Variants in PHYH observed in about 807,000 individuals in gnomAD.
PHYH encodes the protein phytanoyl-CoA 2-hydroxylase.
PHYH carries 32 observed loss-of-function variants against 38.5 expected under a neutral mutation model. The observed-to-expected ratio is 0.83, with a 90% CI of 0.63 to 1.12. The LOEUF (loss-of-function observed/expected upper bound fraction) is 1.12. Ranked by LOEUF, PHYH falls within the 50% of genes most tolerant of loss-of-function variation. PHYH has a pLI of 0.00. For synonymous variants in PHYH, 166 were observed against 157.9 expected (o/e 1.05, Z -0.38); for missense variants, 426 against 434.8 (o/e 0.98, Z 0.18).
intron 6 of PHYH, among the ~76,000 whole-genome samples, chr10:13,286,178 C>G (rs1835544176): frequency 6.6e-6 from 1 of 152,138 alleles, no homozygotes; most frequent in Non-Finnish European, 1.5e-5. Context: ...CCCACAGGGT[C>G]TTTTCACCTT....
intron 7 of PHYH, among the ~76,000 whole-genome samples, chr10:13,282,150 T>C (rs764347705): frequency 4.0e-5 from 6 of 151,656 alleles, no homozygotes; most frequent in Non-Finnish European, 7.4e-5. Context: ...ACTTGAGAGG[T>C]TGAGGTGGGA....
At chr10:13,295,093 C>T (rs1304017939) in intron 3 of PHYH, 1 of 279,748 alleles carries the variant, frequency 3.6e-6, no homozygotes, top group Non-Finnish European at 6.9e-6. Flanking sequence ...GTAATCCCAG[C>T]AACTCAGGAG....
In PHYH at chr10:13,281,029, C is replaced by A; in HGVS notation, c.910G>T (p.Val304Phe). ...AAGAATTTATGTGCTATTCCTACAA[C>A]TTCCTTCTCGATGTTTTCTTGACTG... is the stretch of plus-strand genomic sequence containing the variant. ...GTSQENIEKE[V>F]VGIAHKFFGA... The change falls in exon 8 of 9, where the codon GTT becomes TTT. Residue 304 changes from valine to phenylalanine, a missense_variant. Val to Phe is a conservative substitution (Grantham distance 50). Transcript: ENST00000263038. 6.2e-7 allele frequency: 1 copy of A among 1,614,070 alleles called. No individual in the cohort carries two copies. The highest frequency in any genetic ancestry group is 8.5e-7 in the Non-Finnish European group (1 of 1,179,888).
At chr10:13,286,475 G>A (rs769997992) in intron 6 of PHYH, among the ~76,000 whole-genome samples, 8 of 152,062 alleles carry the variant, frequency 5.3e-5, no homozygotes, top group African/African-American at 1.2e-4. Flanking sequence ...GGCCGAGGCA[G>A]GCAGATCACG....
At chr10:13,298,783 A>ACTACTGCTACTACTACTACTAC (rs1564430887) in intron 1 of PHYH, among the ~76,000 whole-genome samples, 6 of 111,614 alleles carry the variant, frequency 5.4e-5, no homozygotes, top group African/African-American at 9.9e-5. Flanking sequence ...ACTACTACTA[A>ACTACTGCTACTACTACTACTAC]TAATAATAAT....
intron 4 of PHYH, 143 bp from the exon 5 acceptor site, chr10:13,292,055 C>T (rs1020969867): frequency 1.2e-5 from 8 of 675,532 alleles, no homozygotes; most frequent in Admixed American, 7.1e-5. Context: ...ACATTGCAAA[C>T]AAAGCATGAA....
chr10:13,295,473 A>G (rs752268595), intron 3 of PHYH, 23 bp downstream of exon 3: 2 of 1,137,138 alleles, frequency 1.8e-6, no homozygotes, highest in Non-Finnish European at 2.7e-6. Context: ...ACTATTGTAA[A>G]ATAACAAATA....
chr10:13,291,720 C>T (rs929581020), intron 5 of PHYH, 111 bp downstream of exon 5: 1 of 746,900 alleles, frequency 1.3e-6, no homozygotes, highest in East Asian at 2.6e-5. Context: ...CCTCAGAGAT[C>T]TTCCTCCCTT....
chr10:13,300,021 C>A lies in PHYH; in HGVS notation c.22G>T (p.Ala8Ser), dbSNP rs1183779938. Residue 8 changes from alanine (A) to serine (S), a missense_variant, in exon 1 of 9, where the codon GCC (alanine) becomes TCC (serine). Ala to Ser is a moderately conservative substitution (Grantham distance 99). Transcript: ENST00000263038. ...TGGCCCAGAACAATCTGCAGACGGG[C>A]GGCGGCGCGAAGCTGCTCCATGGCT... MEQLRAAARLQIVLGHLG... is the reference protein window; with the variant it reads MEQLRAASRLQIVLGHLG... The A allele has an allele frequency of 2.6e-6, 4 of 1,532,350 alleles. No homozygotes were observed. The highest frequency in any genetic ancestry group is 1.4e-5 in the African/African-American group (1 of 72,066). The allele number at this position is 1,532,350 out of a possible 1,614,324, so 94.9% of individuals were successfully genotyped here.
rs918515094 is a variant in PHYH, at chr10:13,300,064, C to T, written c.-22G>A. On this transcript the variant is annotated 5_prime_UTR_variant, in exon 1 of 9. Transcript: ENST00000263038. ...CCATGGCTGCGGCGCGGGGAACCCCCACCCCTCCCGGCCTCTGCCCCATTT... is the reference window on the plus strand; with the variant it reads ...CCATGGCTGCGGCGCGGGGAACCCCTACCCCTCCCGGCCTCTGCCCCATTT... 2.6e-6 allele frequency: 4 copies of T among 1,529,192 alleles called. No individual in the cohort carries two copies. The highest frequency in any genetic ancestry group is 2.8e-5 in the African/African-American group (2 of 71,702). The allele number at this position is 1,529,192 out of a possible 1,614,324, so 94.7% of individuals were successfully genotyped here.
intron 4 of PHYH, among the ~76,000 whole-genome samples, chr10:13,293,646 A>C (rs1273604463): frequency 6.6e-6 from 1 of 151,444 alleles, no homozygotes; most frequent in African/African-American, 2.4e-5. Context: ...CTTTTTTTCC[A>C]ATATAGACAA....
At chr10:13,290,100 C>A (rs1302710923) in intron 5 of PHYH, among the ~76,000 whole-genome samples, 1 of 115,762 alleles carries the variant, frequency 8.6e-6, no homozygotes, top group Non-Finnish European at 1.7e-5. Flanking sequence ...GAAACCCTGT[C>A]TCTACTAAAA....
At chr10:13,284,645 C>A (rs1052620539) in intron 6 of PHYH, among the ~76,000 whole-genome samples, 2 of 152,098 alleles carry the variant, frequency 1.3e-5, no homozygotes, top group Non-Finnish European at 2.9e-5. Context: ...TTTCTGAGCT[C>A]AAAGGCACTT....
At chr10:13,278,769 A>G (rs1046503374) in intron 8 of PHYH, among the ~76,000 whole-genome samples, 1 of 152,104 alleles carries the variant, frequency 6.6e-6, no homozygotes, top group African/African-American at 2.4e-5. Flanking sequence ...GCCTCAAGTG[A>G]TCTGTCCGCC....
intron 1 of PHYH, 117 bp from the exon 2 acceptor site, chr10:13,298,362 T>C: frequency 9.0e-6 from 6 of 665,590 alleles, no homozygotes; most frequent in Middle Eastern, 3.8e-4. Context: ...AGCTCAGGAG[T>C]TCGAGACCAG....
chr10:13,282,367 G>A (rs559415519), intron 7 of PHYH, among the ~76,000 whole-genome samples: 1 of 152,192 alleles, frequency 6.6e-6, no homozygotes, highest in East Asian at 1.9e-4. Flanking sequence ...AAGGTGAGAC[G>A]ATCACTCAAG....
chr10:13,291,292 G>A (rs748860237), intron 5 of PHYH, among the ~76,000 whole-genome samples: 3 of 151,998 alleles, frequency 2.0e-5, no homozygotes, highest in South Asian at 2.1e-4. Context: ...CAGTTATGTC[G>A]GTTAAACTGC....
At chr10:13,286,699 CA>C (rs33995270) in intron 6 of PHYH, among the ~76,000 whole-genome samples, 7,518 of 116,562 alleles carry the variant, frequency 0.064, 177 homozygotes, top group Admixed American at 0.08. Context: ...GACTCTGTCT[CA>C]AAAAAAAAAA....
At chr10:13,296,477 G>T (rs146410905) in intron 2 of PHYH, among the ~76,000 whole-genome samples, 73 of 150,054 alleles carry the variant, frequency 4.9e-4, no homozygotes, top group African/African-American at 1.7e-3. Flanking sequence ...CAGGAGAATC[G>T]CTAGAACCTG....
Sources: gnomAD v4.1 joint callset for allele counts (sites outside exome capture counted in the v4.1 genomes callset) on GRCh38, gnomAD v4.1.1 for gene constraint, MANE v1.5 for transcripts, NCBI Gene and HGNC (gene_info 2026-07-23, HGNC 2026-07-21) for gene names.